The following DYNC1I1 variants were observed in gnomAD, a reference collection of about 807,000 sequenced individuals.
The protein encoded by DYNC1I1 is cytoplasmic dynein 1 intermediate chain 1.
DYNC1I1 carries 43 observed loss-of-function variants against 86.6 expected under a neutral mutation model. The observed-to-expected ratio is 0.50, with a 90% CI of 0.39 to 0.64. The LOEUF is 0.64. Ranked by LOEUF, DYNC1I1 falls within the 30% of genes least tolerant of loss-of-function variation. The pLI is 0.00. For missense variants in DYNC1I1, 604 were observed against 788.8 expected, an observed-to-expected ratio of 0.77 and a Z score of 2.81; for synonymous variants, 262 against 283.7, an observed-to-expected ratio of 0.92 and a Z score of 0.77.
At chr7:95,995,378 A>G (rs931144837) in intron 9 of DYNC1I1, among the ~76,000 whole-genome samples, 4 of 152,234 alleles carry the variant, frequency 2.6e-5, no homozygotes, top group South Asian at 2.1e-4. Flanking sequence ...GTGGAAGTCA[A>G]TGAGATCATT....
At chr7:96,061,197 G>A (rs775113494) in intron 14 of DYNC1I1, among the ~76,000 whole-genome samples, 7 of 152,140 alleles carry the variant, frequency 4.6e-5, no homozygotes, top group African/African-American at 7.2e-5. Context: ...ATTAAGGAGC[G>A]AAGGGGAAAA....
At chr7:95,814,045 G>A (rs1023342526) in intron 4 of DYNC1I1, among the ~76,000 whole-genome samples, 1 of 152,136 alleles carries the variant, frequency 6.6e-6, no homozygotes, top group Non-Finnish European at 1.5e-5. Flanking sequence ...GTAAATCTCC[G>A]AATCCAGCTG....
chr7:96,044,158 T>C (rs1161297205), intron 14 of DYNC1I1, among the ~76,000 whole-genome samples: 1 of 152,250 alleles, frequency 6.6e-6, no homozygotes, highest in African/African-American at 2.4e-5. Context: ...TTGGTCATGA[T>C]TGCTAATTAT....
intron 10 of DYNC1I1, among the ~76,000 whole-genome samples, chr7:96,011,300 C>G (rs796991555): frequency 1.2e-4 from 18 of 152,172 alleles, no homozygotes; most frequent in African/African-American, 4.1e-4. Flanking sequence ...TGCCCAGTTT[C>G]TTTTCATTTT....
At chr7:96,035,058 G>A (rs1054767897) in intron 12 of DYNC1I1, among the ~76,000 whole-genome samples, 2 of 152,042 alleles carry the variant, frequency 1.3e-5, no homozygotes, top group South Asian at 4.2e-4. Flanking sequence ...TTTTAAAGAC[G>A]TATTTAAATA....
intron 1 of DYNC1I1, among the ~76,000 whole-genome samples, chr7:95,787,355 A>G (rs1794175098): frequency 6.6e-6 from 1 of 152,194 alleles, no homozygotes; most frequent in Admixed American, 6.5e-5. Context: ...CAACCTGGGC[A>G]TTGAAAAATC....
Position 95,995,940 on chromosome 7 carries a change from C to T in DYNC1I1, c.844-8C>T. On this transcript the variant is annotated splice_region_variant and splice_polypyrimidine_tract_variant and intron_variant, in intron 9 of 16. Transcript: ENST00000447467. Reference sequence around the variant, plus strand: ...GCATAATTCATCCTTGTGACCTCTTCCATTTAGTACCCTGAGCTGATGGTG... The same window carrying T: ...GCATAATTCATCCTTGTGACCTCTTTCATTTAGTACCCTGAGCTGATGGTG... 1 of 1,580,716 alleles carries T rather than the reference C, an allele frequency of 6.3e-7. No homozygotes were observed. The highest frequency in any genetic ancestry group is 8.6e-7 in the Non-Finnish European group (1 of 1,169,050).
intron 6 of DYNC1I1, among the ~76,000 whole-genome samples, chr7:95,877,654 A>G (rs1319927482): frequency 6.6e-6 from 1 of 152,264 alleles, no homozygotes; most frequent in Admixed American, 6.5e-5. Flanking sequence ...TAGATGTGCT[A>G]AATGTGTAGA....
At chr7:95,883,053 T>G (rs1051732581) in intron 6 of DYNC1I1, among the ~76,000 whole-genome samples, 1 of 152,200 alleles carries the variant, frequency 6.6e-6, no homozygotes, top group African/African-American at 2.4e-5. Flanking sequence ...AAATCTTGTA[T>G]TTTTACTCAA....
intron 5 of DYNC1I1, among the ~76,000 whole-genome samples, chr7:95,863,344 G>A (rs1032499284): frequency 1.3e-5 from 2 of 152,046 alleles, no homozygotes; most frequent in Admixed American, 6.5e-5. Context: ...AGGGCTAGGC[G>A]AGGCGGGAAT....
At chr7:96,059,491 A>C (rs73708457) in intron 14 of DYNC1I1, among the ~76,000 whole-genome samples, 1 of 152,154 alleles carries the variant, frequency 6.6e-6, no homozygotes, top group Non-Finnish European at 1.5e-5. Context: ...TGATCTAGGA[A>C]TATTTATTTT....
At chr7:95,930,841 G>A (rs1791875744) in intron 6 of DYNC1I1, among the ~76,000 whole-genome samples, 1 of 152,166 alleles carries the variant, frequency 6.6e-6, no homozygotes, top group Admixed American at 6.5e-5. Context: ...TCATTTACTG[G>A]AGAGGTTGGT....
At chr7:95,943,803 A>G (rs374002259) in intron 6 of DYNC1I1, among the ~76,000 whole-genome samples, 4,772 of 150,716 alleles carry the variant, frequency 0.032, 197 homozygotes, top group African/African-American at 0.095. Context: ...AATGGTGCTG[A>G]GAAAACTGGC....
intron 16 of DYNC1I1, among the ~76,000 whole-genome samples, chr7:96,087,819 T>C (rs1406929277): frequency 6.6e-6 from 1 of 152,212 alleles, no homozygotes; most frequent in Non-Finnish European, 1.5e-5. Flanking sequence ...CACCAAGATA[T>C]ATTTGCATGG....
chr7:95,876,695 C>A (rs2116201039), intron 6 of DYNC1I1, among the ~76,000 whole-genome samples: 1 of 152,230 alleles, frequency 6.6e-6, no homozygotes, highest in African/African-American at 2.4e-5. Context: ...AATAGCAGAA[C>A]TAAATAATAT....
At chr7:95,933,716 A>T (rs924029619) in intron 6 of DYNC1I1, among the ~76,000 whole-genome samples, 82 of 151,996 alleles carry the variant, frequency 5.4e-4, no homozygotes, top group Non-Finnish European at 8.8e-4. Flanking sequence ...CATTTTTTTT[A>T]AAAAAAACTT....
chr7:95,939,524 T>C (rs1469150102), intron 6 of DYNC1I1, among the ~76,000 whole-genome samples: 1 of 151,878 alleles, frequency 6.6e-6, no homozygotes, highest in Admixed American at 6.6e-5. Flanking sequence ...GCTCTTCTTG[T>C]TGAATTGATC....
chr7:95,813,347 G>T lies in DYNC1I1; in HGVS notation c.314+10G>T, dbSNP rs770719212. On this transcript the variant is annotated intron_variant, in intron 4 of 16. Transcript: ENST00000447467. ...TGGGGCCATTAACAAGGTAAGAATT[G>T]TCCCTTTAAAAGGCCATGATGGGTG... 1.9e-6 allele frequency: 3 copies of T among 1,600,838 alleles called. No individual in the cohort carries two copies.
rs141168887 is a variant in DYNC1I1, at chr7:95,829,287, A to G, written c.374+1171A>G. Among the ~76,000 whole-genome samples the G allele has an allele frequency of 6.5e-3, 988 of 152,234 alleles. 11 individuals carry two copies. Among genetic ancestry groups the G allele is most frequent in the African/African-American group, 0.022 (931 of 41,554 alleles). On this transcript the variant is annotated intron_variant, in intron 5 of 16. Transcript: ENST00000447467. ...CCTGTGACCCTTTGCATATGCAAAA[A>G]TTCTTAGCTGATTCATGACAATACT...
Sources: gnomAD v4.1 joint callset for allele counts (sites outside exome capture counted in the v4.1 genomes callset) on GRCh38, gnomAD v4.1.1 for gene constraint, MANE v1.5 for transcripts, NCBI Gene and HGNC (gene_info 2026-07-23, HGNC 2026-07-21) for gene names.